GALNT2: variants seen among roughly 807,000 people sequenced by gnomAD.
The protein encoded by GALNT2 is UDP-GalNAc:polypeptide N-acetylgalactosaminyltransferase 2.
GALNT2 carries 31 observed loss-of-function variants against 81.4 expected under a neutral mutation model. That is an observed-to-expected ratio of 0.38 (90% CI 0.29 to 0.51). The LOEUF (loss-of-function observed/expected upper bound fraction) is 0.51, where lower values mean the gene tolerates loss of function less well. GALNT2 is among the 20% of genes least tolerant of loss of function. GALNT2 has a pLI of 0.87. For synonymous variants in GALNT2, 303 were observed against 287.4 expected (o/e 1.05, Z -0.55); for missense variants, 629 against 765.7 (o/e 0.82, Z 2.11).
rs548356423 is a variant in GALNT2, at chr1:230,194,982, C to T, written c.221-8155C>T. ...GCGGGGAGAAGAAGTGGAGCCTGCCCGTTCCCATTGGGCCTCCATCTTCTC... is the reference window on the plus strand; with the variant it reads ...GCGGGGAGAAGAAGTGGAGCCTGCCTGTTCCCATTGGGCCTCCATCTTCTC... On this transcript the variant is annotated intron_variant, in intron 2 of 15. Transcript: ENST00000366672. Among the ~76,000 whole-genome samples the T allele has an allele frequency of 1.5e-3, 221 of 152,322 alleles. 2 individuals are homozygous for T. The highest frequency in any genetic ancestry group is 5.1e-3 in the African/African-American group (213 of 41,568).
intron 13 of GALNT2, 140 bp downstream of exon 13, chr1:230,263,145 A>T (rs1272615038): frequency 4.4e-6 from 3 of 683,164 alleles, no homozygotes; most frequent in Non-Finnish European, 7.6e-6. Flanking sequence ...CTGTGGTCTC[A>T]CTCCATGGTG....
chr1:230,111,801 A>G (rs1317867631), intron 1 of GALNT2, among the ~76,000 whole-genome samples: 1 of 152,230 alleles, frequency 6.6e-6, no homozygotes, highest in East Asian at 1.9e-4. Context: ...AGAGATAGCC[A>G]GAATACAAAA....
At chr1:230,231,490 G>A (rs1336056453) in intron 3 of GALNT2, among the ~76,000 whole-genome samples, 1 of 152,134 alleles carries the variant, frequency 6.6e-6, no homozygotes, top group Non-Finnish European at 1.5e-5. Flanking sequence ...TGTGTTATTG[G>A]ACAGAAGCTG....
intron 1 of GALNT2, among the ~76,000 whole-genome samples, chr1:230,146,616 T>C (rs1420063409): frequency 6.6e-6 from 1 of 152,150 alleles, no homozygotes; most frequent in East Asian, 1.9e-4. Flanking sequence ...CAAACTCGGC[T>C]CTCAGGGAGC....
chr1:230,208,586 A>G (rs1046326924), intron 3 of GALNT2, among the ~76,000 whole-genome samples: 2 of 152,174 alleles, frequency 1.3e-5, no homozygotes, highest in Admixed American at 6.5e-5. Flanking sequence ...AGCCCAAGGG[A>G]ATGGATGCAG....
chr1:230,137,822 A>G (rs1285478839), intron 1 of GALNT2, among the ~76,000 whole-genome samples: 1 of 152,228 alleles, frequency 6.6e-6, no homozygotes, highest in Non-Finnish European at 1.5e-5. Flanking sequence ...GACTTTTATT[A>G]TCTTTCACTC....
At chr1:230,126,014 G>A (rs1314520041) in intron 1 of GALNT2, among the ~76,000 whole-genome samples, 1 of 152,238 alleles carries the variant, frequency 6.6e-6, no homozygotes, top group Non-Finnish European at 1.5e-5. Context: ...GACCCTTCAA[G>A]CATGGGGAGG....
chr1:230,076,565 TGATA>T (rs1240443584), intron 1 of GALNT2, among the ~76,000 whole-genome samples: 1 of 152,038 alleles, frequency 6.6e-6, no homozygotes, highest in Non-Finnish European at 1.5e-5. Context: ...TGAGCTTCTG[TGATA>T]GATAGTATTG....
chr1:230,135,156 G>A (rs1168817413), intron 1 of GALNT2, among the ~76,000 whole-genome samples: 1 of 152,050 alleles, frequency 6.6e-6, no homozygotes, highest in Non-Finnish European at 1.5e-5. Context: ...GTCGGAACAG[G>A]AAAAGCCATG....
chr1:230,189,561 A>G (rs1362957085), intron 2 of GALNT2, among the ~76,000 whole-genome samples: 2 of 152,240 alleles, frequency 1.3e-5, no homozygotes, highest in African/African-American at 4.8e-5. Context: ...GCATTGCTGC[A>G]GCATCAGAGA....
At chr1:230,183,505 G>T (rs770384782) in intron 2 of GALNT2, among the ~76,000 whole-genome samples, 96 of 152,166 alleles carry the variant, frequency 6.3e-4, no homozygotes, top group Non-Finnish European at 1.2e-3. Context: ...CACAGGTAGT[G>T]CACGTATCTT....
intron 1 of GALNT2, among the ~76,000 whole-genome samples, chr1:230,132,936 G>A (rs1160087895): frequency 6.6e-6 from 1 of 152,166 alleles, no homozygotes; most frequent in African/African-American, 2.4e-5. Context: ...ATACAGCCTA[G>A]CATAAGGAAG....
At chr1:230,277,481 A>G (rs1049748049) in intron 15 of GALNT2, among the ~76,000 whole-genome samples, 2 of 152,232 alleles carry the variant, frequency 1.3e-5, no homozygotes, top group Non-Finnish European at 2.9e-5. Context: ...GGCAGCCTCA[A>G]TACATACACA....
chr1:230,229,049 A>AT (rs2102729891), intron 3 of GALNT2, among the ~76,000 whole-genome samples: 2 of 152,362 alleles, frequency 1.3e-5, no homozygotes, highest in South Asian at 4.1e-4. Context: ...AATTCACAAT[A>AT]TATTAATGAC....
intron 1 of GALNT2, among the ~76,000 whole-genome samples, chr1:230,166,328 G>T (rs182313511): frequency 6.6e-6 from 1 of 152,166 alleles, no homozygotes; most frequent in Non-Finnish European, 1.5e-5. Context: ...ACTCCTCCCC[G>T]CAGCGTCACT....
intron 1 of GALNT2, among the ~76,000 whole-genome samples, chr1:230,127,081 G>A (rs1223274775): frequency 6.6e-6 from 1 of 152,120 alleles, no homozygotes; most frequent in African/African-American, 2.4e-5. Flanking sequence ...AGCACCTGGG[G>A]AAAACCCATT....
chr1:230,248,197 TG>T (rs1665434771), intron 8 of GALNT2, among the ~76,000 whole-genome samples: 1 of 152,228 alleles, frequency 6.6e-6, no homozygotes, highest in Non-Finnish European at 1.5e-5. Context: ...CTTCAGTCAC[TG>T]GGGCTGTCAG....
chr1:230,099,916 A>G (rs943398307), intron 1 of GALNT2, among the ~76,000 whole-genome samples: 5 of 152,220 alleles, frequency 3.3e-5, no homozygotes, highest in Non-Finnish European at 7.3e-5. Context: ...ACTCTAAGGA[A>G]CTGTTTTATC....
At chr1:230,074,940 GGCCGAGGGTTTCT>G (rs370697376) in intron 1 of GALNT2, among the ~76,000 whole-genome samples, 192 of 152,198 alleles carry the variant, frequency 1.3e-3, no homozygotes, top group African/African-American at 4.6e-3. Context: ...TGCAACTCCT[GGCCGAGGGTTTCT>G]GCCAGCCAGC....
Sources: allele counts gnomAD v4.1 joint callset (sites outside exome capture counted in the v4.1 genomes callset), GRCh38; gene constraint gnomAD v4.1.1; transcripts MANE v1.5; gene names NCBI Gene and HGNC (gene_info 2026-07-23, HGNC 2026-07-21).